Variants in NYAP2 observed in about 807,000 individuals in gnomAD.
The protein encoded by NYAP2 is neuronal tyrosine-phosphorylated phosphoinositide-3-kinase adaptor 2, also known as neuronal tyrosine-phosphorylated phosphoinositide-3-kinase adapter 2.
Under a neutral mutation model 50.4 loss-of-function variants are expected in NYAP2, and 23 were observed. That is an observed-to-expected ratio of 0.46 (90% CI 0.33 to 0.65). NYAP2 has a LOEUF of 0.65. NYAP2 is among the 30% of genes least tolerant of loss of function. The probability of loss-of-function intolerance (pLI) is 0.02; values close to 1 mark genes in which losing one functional copy is unlikely to be tolerated. For synonymous variants in NYAP2, 394 were observed against 365.2 expected, an observed-to-expected ratio of 1.08 and a Z score of -0.90; for missense variants, 885 against 861.0, an observed-to-expected ratio of 1.03 and a Z score of -0.35.
chr2:225,518,567 T>TAA (rs1553545397), intron 4 of NYAP2, among the ~76,000 whole-genome samples: 2,775 of 25,456 alleles, frequency 0.11, 951 homozygotes, highest in Middle Eastern at 0.39. Flanking sequence ...TATATATATA[T>TAA]ATTAGCGTGT....
At chr2:225,448,108 C>T (rs2396218) in intron 3 of NYAP2, among the ~76,000 whole-genome samples, 86,545 of 152,052 alleles carry the variant, frequency 0.57, 29,159 homozygotes, top group Non-Finnish European at 0.75. Context: ...GACGCTATGG[C>T]TGGTAAGTGA....
chr2:225,506,589 G>A (rs1173880647), intron 3 of NYAP2, among the ~76,000 whole-genome samples: 1 of 152,192 alleles, frequency 6.6e-6, no homozygotes, highest in Non-Finnish European at 1.5e-5. Flanking sequence ...ATGGGCCAGG[G>A]GGATGTTCAG....
chr2:225,581,771 A>C (rs1302672442), intron 4 of NYAP2, among the ~76,000 whole-genome samples, 170 bp from the exon 5 acceptor site: 1 of 152,198 alleles, frequency 6.6e-6, no homozygotes, highest in Non-Finnish European at 1.5e-5. Flanking sequence ...AGGTTTTCTA[A>C]ATAAGGGAAT....
At chr2:225,523,734 A>T (rs901902582) in intron 4 of NYAP2, among the ~76,000 whole-genome samples, 3 of 152,150 alleles carry the variant, frequency 2.0e-5, no homozygotes, top group African/African-American at 7.2e-5. Flanking sequence ...ATGAAACCAA[A>T]AAAACAAGGC....
At chr2:225,602,243 G>A (rs185631737) in intron 5 of NYAP2, among the ~76,000 whole-genome samples, 1 of 152,298 alleles carries the variant, frequency 6.6e-6, no homozygotes, top group African/African-American at 2.4e-5. Flanking sequence ...ATCAGGGGCT[G>A]AAGTGATGAT....
At chr2:225,475,150 A>G (rs1367003026) in intron 3 of NYAP2, among the ~76,000 whole-genome samples, 1 of 152,248 alleles carries the variant, frequency 6.6e-6, no homozygotes, top group Non-Finnish European at 1.5e-5. Context: ...TCATAAATGA[A>G]GCAAACAAAT....
At chr2:225,651,473 T>A (rs960286274) in exon 7 of NYAP2, 8 of 1,613,986 alleles carry the variant, frequency 5.0e-6, no homozygotes, top group Non-Finnish European at 6.8e-6. Context: ...TGCGTCGACG[T>A]CAGGTGTGCC....
intron 3 of NYAP2, among the ~76,000 whole-genome samples, chr2:225,452,199 A>T (rs1360663262): frequency 6.6e-6 from 1 of 152,212 alleles, no homozygotes; most frequent in Non-Finnish European, 1.5e-5. Context: ...CATTGCTTAG[A>T]CTAAGTCCTT....
At chr2:225,553,070 GAAGGA>G (rs1241929297) in intron 4 of NYAP2, among the ~76,000 whole-genome samples, 1 of 152,196 alleles carries the variant, frequency 6.6e-6, no homozygotes, top group Non-Finnish European at 1.5e-5. Context: ...CCCTGGCAGC[GAAGGA>G]AAGAGACTAT....
At chr2:225,452,986 T>C (rs1322694065) in intron 3 of NYAP2, among the ~76,000 whole-genome samples, 2 of 152,186 alleles carry the variant, frequency 1.3e-5, no homozygotes, top group Non-Finnish European at 2.9e-5. Context: ...TTAGGATACC[T>C]TCGCATCCAG....
chr2:225,508,473 G>T (rs910748024), intron 3 of NYAP2, among the ~76,000 whole-genome samples: 1 of 152,144 alleles, frequency 6.6e-6, no homozygotes, highest in African/African-American at 2.4e-5. Flanking sequence ...GTCAGTTCAG[G>T]TCTCCCAGGA....
chr2:225,476,116 TA>T (rs1446870437), intron 3 of NYAP2, among the ~76,000 whole-genome samples: 1 of 152,116 alleles, frequency 6.6e-6, no homozygotes, highest in African/African-American at 2.4e-5. Context: ...AATAGAAGTC[TA>T]AAAAAATTTT....
intron 3 of NYAP2, among the ~76,000 whole-genome samples, chr2:225,506,326 A>G (rs1044494144): frequency 1.3e-5 from 2 of 152,196 alleles, no homozygotes; most frequent in African/African-American, 4.8e-5. Flanking sequence ...CTCAAGGCCA[A>G]TGGGGCTGGG....
chr2:225,426,869 G>T (rs1695295859), intron 3 of NYAP2, among the ~76,000 whole-genome samples: 1 of 152,164 alleles, frequency 6.6e-6, no homozygotes, highest in African/African-American at 2.4e-5. Context: ...GTGGCCCTGA[G>T]CCGGTAACTA....
chr2:225,477,585 C>T (rs149116698), intron 3 of NYAP2, among the ~76,000 whole-genome samples: 34 of 152,190 alleles, frequency 2.2e-4, no homozygotes, highest in Non-Finnish European at 4.1e-4. Flanking sequence ...TACTGCTGGT[C>T]TCTGGACCTA....
At chr2:225,601,309 C>T (rs568429712) in intron 5 of NYAP2, among the ~76,000 whole-genome samples, 30 of 151,790 alleles carry the variant, frequency 2.0e-4, no homozygotes, top group Middle Eastern at 3.4e-3. Context: ...TTAGTAGAGA[C>T]GGGGTTTCAC....
intron 3 of NYAP2, among the ~76,000 whole-genome samples, chr2:225,409,827 G>C (rs981513288): frequency 6.6e-6 from 1 of 152,018 alleles, no homozygotes; most frequent in African/African-American, 2.4e-5. Flanking sequence ...GTGTCTTCTG[G>C]TGGTACAGAG....
chr2:225,655,905 C>CACACACACACACACACACACACACAT (rs1249503797), downstream of NYAP2, among the ~76,000 whole-genome samples: 2 of 144,768 alleles, frequency 1.4e-5, no homozygotes, highest in African/African-American at 5.1e-5. Flanking sequence ...CACACACACA[C>CACACACACACACACACACACACACAT]ACACACACAC....
intron 3 of NYAP2, among the ~76,000 whole-genome samples, chr2:225,424,729 C>T (rs1179989113): frequency 6.6e-6 from 1 of 151,812 alleles, no homozygotes; most frequent in Non-Finnish European, 1.5e-5. Flanking sequence ...CTCTCATTGA[C>T]TTAGTTCTCA....
Sources: allele counts gnomAD v4.1 joint callset (sites outside exome capture counted in the v4.1 genomes callset), GRCh38; gene constraint gnomAD v4.1.1; transcripts MANE v1.5; gene names NCBI Gene and HGNC (gene_info 2026-07-23, HGNC 2026-07-21).